Variants in SCN10A observed in about 807,000 individuals in gnomAD.
The protein encoded by SCN10A is sodium channel protein type 10 subunit alpha.
Under a neutral mutation model 170.7 loss-of-function variants are expected in SCN10A, and 162 were observed. The ratio of observed to expected loss-of-function variants is 0.95; its 90% CI spans 0.84 to 1.08. The LOEUF is 1.08. SCN10A is among the 50% of genes least tolerant of loss of function. SCN10A has a pLI of 0.00. For synonymous variants in SCN10A, 985 were observed against 904.6 expected, an observed-to-expected ratio of 1.09 and a Z score of -1.59; for missense variants, 2,527 against 2,436.9, an observed-to-expected ratio of 1.04 and a Z score of -0.78.
At chr3:38,778,368 G>T (rs2064100197) in intron 4 of SCN10A, among the ~76,000 whole-genome samples, 1 of 151,924 alleles carries the variant, frequency 6.6e-6, no homozygotes, top group Admixed American at 6.6e-5. Flanking sequence ...TTCTAGTCTT[G>T]CCCTTCTTAA....
chr3:38,802,392 T>C (rs1349355888), intron 1 of SCN10A, among the ~76,000 whole-genome samples: 1 of 152,164 alleles, frequency 6.6e-6, no homozygotes, highest in Non-Finnish European at 1.5e-5. Context: ...TTCATCACCT[T>C]CCACCCAGAT....
chr3:38,712,579 T>C, intron 22 of SCN10A, 134 bp from the exon 23 acceptor site: 1 of 810,310 alleles, frequency 1.2e-6, no homozygotes, highest in East Asian at 2.6e-5. Flanking sequence ...AGTGGGTTAA[T>C]TAGTGCAATA....
chr3:38,763,209 C>T (rs1432913761), intron 6 of SCN10A, among the ~76,000 whole-genome samples: 1 of 152,126 alleles, frequency 6.6e-6, no homozygotes, highest in Non-Finnish European at 1.5e-5. Flanking sequence ...GCCTGAATCC[C>T]ACAACCAGAA....
intron 1 of SCN10A, among the ~76,000 whole-genome samples, chr3:38,803,711 A>G (rs921025302): frequency 2.6e-5 from 4 of 151,754 alleles, no homozygotes; most frequent in African/African-American, 7.3e-5. Context: ...TGACGAGTTA[A>G]TGGGTGCAGC....
At chr3:38,758,482 C>G (rs554927360) in intron 8 of SCN10A, among the ~76,000 whole-genome samples, 1 of 152,280 alleles carries the variant, frequency 6.6e-6, no homozygotes, top group South Asian at 2.1e-4. Flanking sequence ...AAGGAAAATT[C>G]CTATTGTTTT....
intron 4 of SCN10A, among the ~76,000 whole-genome samples, chr3:38,773,476 C>G (rs1445079705): frequency 6.6e-6 from 1 of 152,164 alleles, no homozygotes; most frequent in African/African-American, 2.4e-5. Context: ...AGATGAAGTA[C>G]TCTAGCTGTG....
At chr3:38,752,622 C>A (rs1406671387) in intron 11 of SCN10A, 110 bp from the exon 12 acceptor site, 9 of 854,450 alleles carry the variant, frequency 1.1e-5, no homozygotes, top group Non-Finnish European at 1.5e-5. Flanking sequence ...GTCTTTATGA[C>A]CTTTCAGTCA....
chr3:38,784,114 T>C lies in SCN10A; in HGVS notation c.470+4842A>G, dbSNP rs557149576. Among the ~76,000 whole-genome samples the C allele has an allele frequency of 9.1e-4, 138 of 152,252 alleles. 1 individual carries two copies. The highest frequency in any genetic ancestry group is 3.4e-3 in the Middle Eastern group (1 of 294). The stretch of plus-strand genomic sequence containing the variant: ...CTGAATATAAGCACTTGCTTTTTCA[T>C]GCTCTTAAAGTTGTCTTCTGATGAA... On this transcript the variant is annotated intron_variant, in intron 4 of 27. Transcript: ENST00000449082.
rs1281022019 is a variant in SCN10A, at chr3:38,728,890, G to A, written c.2292C>T (p.Phe764=). 10 of 1,608,056 alleles carry A rather than the reference G, an allele frequency of 6.2e-6. No homozygotes were observed. In the East Asian group the frequency reaches 2.2e-4, roughly 36 times the overall value. The stretch of plus-strand genomic sequence containing the variant: ...AGGTGGGCCAGGATTTGGCCAGCTT[G>A]AATACGCGCAGCTGCAGAGAAACAG... ...VLRSFRLLRV[F]KLAKSWPTLN... Residue 764 remains phenylalanine (F), a synonymous_variant, in exon 16 of 28, where the codon TTC becomes TTT. Transcript: ENST00000449082.
intron 4 of SCN10A, among the ~76,000 whole-genome samples, chr3:38,786,824 G>A (rs1356886376): frequency 1.3e-5 from 2 of 151,974 alleles, no homozygotes; most frequent in Non-Finnish European, 2.9e-5. Context: ...CACATTAGAT[G>A]TTTACATATG....
intron 12 of SCN10A, among the ~76,000 whole-genome samples, 200 bp downstream of exon 12, chr3:38,752,019 A>G (rs1004130663): frequency 6.6e-6 from 1 of 151,976 alleles, no homozygotes; most frequent in Admixed American, 6.6e-5. Flanking sequence ...AAACCAGGAA[A>G]CCTGTTTGAC....
chr3:38,765,762 G>A (rs1378913383), intron 5 of SCN10A, among the ~76,000 whole-genome samples: 1 of 152,012 alleles, frequency 6.6e-6, no homozygotes, highest in Non-Finnish European at 1.5e-5. Context: ...GAAGAATGAT[G>A]TGGTACTTCA....
At position 38,702,099 on chromosome 3, in the gene SCN10A, T is replaced by C. The variant is rs550011049; in HGVS notation, c.4397A>G (p.Gln1466Arg). 8 of 1,550,716 alleles carry C rather than the reference T, an allele frequency of 5.2e-6. 1 individual carries two copies. In the Admixed American group the frequency reaches 9.9e-5, roughly 19 times the overall value. Residue 1466 changes from glutamine to arginine, a missense_variant, in exon 27 of 28, where the codon CAG becomes CGG. By Grantham distance (43) the Gln-to-Arg change is conservative. Coordinates refer to ENST00000449082, the MANE Select transcript of SCN10A (RefSeq NM_006514.4). ...GGTCACGATGTCAAAGACAAAACCC[T>C]GGAACTTGTTCTGAGAAAACAAGAG... ...KPIPRPLNKF[Q>R]GFVFDIVTRQ... is the part of the protein sequence containing the mutation.
intron 15 of SCN10A, among the ~76,000 whole-genome samples, chr3:38,729,495 C>T (rs1455038889): frequency 6.6e-6 from 1 of 152,094 alleles, no homozygotes; most frequent in Non-Finnish European, 1.5e-5. Context: ...CCCAGAACTC[C>T]AGCCGTGCAG....
chr3:38,755,774 C>T lies in SCN10A; in HGVS notation c.1461+14G>A, dbSNP rs778704122. 34 of 1,612,886 alleles carry T rather than the reference C, an allele frequency of 2.1e-5. No homozygotes were observed. In the South Asian group the frequency reaches 3.6e-4, roughly 17 times the overall value. On this transcript the variant is annotated intron_variant, in intron 11 of 27. Coordinates refer to ENST00000449082, the MANE Select transcript of SCN10A (RefSeq NM_006514.4). ...TGGTGGGTAATCTTTAGAGCACAAA[C>T]CTGAGCCTCTTACCATCCTGCGCTG...
intron 15 of SCN10A, among the ~76,000 whole-genome samples, chr3:38,732,190 G>A (rs765038582): frequency 2.0e-5 from 3 of 152,210 alleles, no homozygotes; most frequent in Non-Finnish European, 2.9e-5. Flanking sequence ...CAGACACAAC[G>A]GAAGACTGTT....
At chr3:38,722,672 G>A (rs2063406559) in intron 19 of SCN10A, among the ~76,000 whole-genome samples, 1 of 152,010 alleles carries the variant, frequency 6.6e-6, no homozygotes, top group South Asian at 2.1e-4. Context: ...GACACCAGTG[G>A]TCCCTGTCCT....
At chr3:38,749,990 A>G (rs1482061826) in intron 13 of SCN10A, 83 bp downstream of exon 13, 13 of 721,800 alleles carry the variant, frequency 1.8e-5, no homozygotes, top group Non-Finnish European at 3.1e-5. Context: ...ACGCTTTGAC[A>G]CGAGTTAGAG....
chr3:38,729,481 AC>A (rs1200857161), intron 15 of SCN10A, among the ~76,000 whole-genome samples: 1 of 151,810 alleles, frequency 6.6e-6, no homozygotes, highest in East Asian at 1.9e-4. Context: ...CAACGAACCT[AC>A]CCCCCAGAAC....
Sources: allele counts gnomAD v4.1 joint callset (sites outside exome capture counted in the v4.1 genomes callset), GRCh38; gene constraint gnomAD v4.1.1; transcripts MANE v1.5; gene names NCBI Gene and HGNC (gene_info 2026-07-23, HGNC 2026-07-21).